The following PARD3 variants were observed in gnomAD, a reference collection of about 807,000 sequenced individuals.
The protein encoded by PARD3 is par-3 family cell polarity regulator.
Under a neutral mutation model 155.4 loss-of-function variants are expected in PARD3, and 75 were observed. The ratio of observed to expected loss-of-function variants is 0.48; its 90% CI spans 0.40 to 0.58. The LOEUF (loss-of-function observed/expected upper bound fraction) is 0.58. PARD3 is among the 20% of genes least tolerant of loss of function. The pLI is 0.00. For missense variants in PARD3, 1,642 were observed against 1,721.7 expected (o/e 0.95, Z 0.82); for synonymous variants, 576 against 610.5 (o/e 0.94, Z 0.83).
intron 1 of PARD3, among the ~76,000 whole-genome samples, chr10:34,801,736 T>C (rs1842857770): frequency 6.6e-6 from 1 of 152,218 alleles, no homozygotes; most frequent in African/African-American, 2.4e-5. Flanking sequence ...CTGATTTAGC[T>C]GCCCGAAATC....
intron 1 of PARD3, among the ~76,000 whole-genome samples, chr10:34,771,149 G>A (rs1030653084): frequency 6.6e-6 from 1 of 152,210 alleles, no homozygotes; most frequent in Non-Finnish European, 1.5e-5. Context: ...TGCACAAAAA[G>A]TAAATTCATA....
At chr10:34,477,810 G>C (rs1328083547) in intron 3 of PARD3, among the ~76,000 whole-genome samples, 1 of 152,172 alleles carries the variant, frequency 6.6e-6, no homozygotes, top group Non-Finnish European at 1.5e-5. Context: ...AGTTACATGT[G>C]TGCTTTTAGA....
At chr10:34,122,140 T>C (rs1391523616) in intron 23 of PARD3, among the ~76,000 whole-genome samples, 1 of 152,234 alleles carries the variant, frequency 6.6e-6, no homozygotes, top group Non-Finnish European at 1.5e-5. Context: ...TTTCACTCAG[T>C]GTAAACTATA....
chr10:34,346,331 G>T lies in PARD3; in HGVS notation c.2218+1634C>A. 5.5e-6 allele frequency: 7 copies of T among 1,269,874 alleles called. No individual in the cohort carries two copies. The Admixed American group carries it at 8.0e-5, about 15-fold the overall frequency. 78.7% of individuals were successfully genotyped at this position (1,269,874 alleles called of 1,614,324 possible). A position where few individuals can be genotyped will look rare whatever the true frequency, so the allele number is the denominator to read the frequency against. Reference sequence around the variant, plus strand: ...CTAGCTGAATTTAGGGATTTTTTTGGTTTGAGTTTTAGTTTTAGTTTTTCG... The same window carrying T: ...CTAGCTGAATTTAGGGATTTTTTTGTTTTGAGTTTTAGTTTTAGTTTTTCG... On this transcript the variant is annotated intron_variant, in intron 15 of 24. Coordinates refer to ENST00000374788, the MANE Select transcript of PARD3 (RefSeq NM_001184785.2).
intron 22 of PARD3, among the ~76,000 whole-genome samples, chr10:34,213,154 T>G (rs1302017037): frequency 1.3e-5 from 2 of 152,166 alleles, no homozygotes; most frequent in Non-Finnish European, 2.9e-5. Context: ...GGTTCAAGAT[T>G]GGGCAGCTGC....
chr10:34,466,119 G>A (rs2077991563), intron 4 of PARD3, among the ~76,000 whole-genome samples: 1 of 152,116 alleles, frequency 6.6e-6, no homozygotes, highest in Non-Finnish European at 1.5e-5. Flanking sequence ...AAGGTAGTCA[G>A]CCACAAAATA....
intron 22 of PARD3, among the ~76,000 whole-genome samples, chr10:34,195,112 C>T (rs1250068614): frequency 6.6e-6 from 1 of 152,210 alleles, no homozygotes; most frequent in Non-Finnish European, 1.5e-5. Flanking sequence ...TTAAGGAAAA[C>T]TGCAATCAAT....
At chr10:34,606,156 ATG>A (rs59792013) in intron 2 of PARD3, among the ~76,000 whole-genome samples, 14,622 of 124,806 alleles carry the variant, frequency 0.12, 993 homozygotes, top group Non-Finnish European at 0.16. Context: ...ATAAAGGGAA[ATG>A]TGTGTGTGTG....
intron 1 of PARD3, among the ~76,000 whole-genome samples, chr10:34,745,353 C>T (rs923802328): frequency 5.4e-5 from 8 of 147,306 alleles, no homozygotes; most frequent in Non-Finnish European, 1.0e-4. Context: ...CAGAGAAAGA[C>T]CCTATATCTA....
At position 34,450,415 on chromosome 10, in the gene PARD3, T is replaced by C. The variant is rs2076993559; in HGVS notation, c.616A>G (p.Thr206Ala). Reference sequence around the variant, plus strand: ...TGAAATTGGTTAGACCAGTTACTAGTATCCCGCGGGAGGCTTCTGTAGTTT... The same window carrying C: ...TGAAATTGGTTAGACCAGTTACTAGCATCCCGCGGGAGGCTTCTGTAGTTT... Reference protein sequence around the residue: ...DENYRSLPRDTSNWSNQFQRD... With the variant: ...DENYRSLPRDASNWSNQFQRD... Residue 206 changes from threonine (T) to alanine (A), a missense_variant, in exon 5 of 25, where the codon ACT becomes GCT. By Grantham distance (58) the Thr-to-Ala change is moderately conservative. Transcript: ENST00000374788. 2 of 1,613,696 alleles carry C rather than the reference T, an allele frequency of 1.2e-6. No homozygotes were observed. The highest frequency in any genetic ancestry group is 1.7e-5 in the Admixed American group (1 of 59,966).
At chr10:34,226,056 C>T (rs1429370348) in intron 22 of PARD3, among the ~76,000 whole-genome samples, 1 of 151,928 alleles carries the variant, frequency 6.6e-6, no homozygotes, top group Admixed American at 6.6e-5. Context: ...AAGACTAGTA[C>T]CCAGATCTAT....
chr10:34,468,771 T>A (rs1287596688), intron 4 of PARD3, among the ~76,000 whole-genome samples: 2 of 152,172 alleles, frequency 1.3e-5, no homozygotes, highest in Non-Finnish European at 2.9e-5. Flanking sequence ...ACTTTTTTTG[T>A]CACTAGAATT....
At chr10:34,142,222 T>C (rs1175885874) in intron 22 of PARD3, among the ~76,000 whole-genome samples, 1 of 152,012 alleles carries the variant, frequency 6.6e-6, no homozygotes, top group Non-Finnish European at 1.5e-5. Context: ...TTTCGGGGTA[T>C]ACCTATGAAT....
chr10:34,784,763 TC>T lies in PARD3; in HGVS notation c.120+30112del, dbSNP rs1388738687. Among the ~76,000 whole-genome samples, 3 of 152,164 alleles carry T rather than the reference TC, an allele frequency of 2.0e-5. No homozygotes were observed. The East Asian group carries it at 5.8e-4, about 29-fold the overall frequency. On this transcript the variant is annotated intron_variant, in intron 1 of 24. Transcript: ENST00000374788. ...CAATATACTTTTTTAAGGATTTTCTTCCCCTTTTTTCCCCGTCTCTTCATCC... is the reference window on the plus strand; with the variant it reads ...CAATATACTTTTTTAAGGATTTTCTTCCCTTTTTTCCCCGTCTCTTCATCC...
chr10:34,249,267 C>T lies in PARD3; in HGVS notation c.3419+20390G>A, dbSNP rs371608479. On this transcript the variant is annotated intron_variant, in intron 22 of 24. Transcript: ENST00000374788. ...CTTCAAGCAATCCTCCCACCTCAGC[C>T]TCCCAAAGTGCTGGGATTACAGGCA... is the stretch of plus-strand genomic sequence containing the variant. Among the ~76,000 whole-genome samples, 28 of 152,304 alleles carry T rather than the reference C, an allele frequency of 1.8e-4. No homozygotes were observed. The South Asian group carries it at 5.8e-3, about 32-fold the overall frequency.
chr10:34,727,559 T>A (rs576661004), intron 1 of PARD3, among the ~76,000 whole-genome samples: 24 of 59,844 alleles, frequency 4.0e-4, no homozygotes, highest in Admixed American at 7.1e-4. Flanking sequence ...CAATGAGAGA[T>A]TGCTATGTTT....
chr10:34,383,390 T>TACACACACAC (rs3040371), intron 8 of PARD3, among the ~76,000 whole-genome samples: 24,551 of 150,140 alleles, frequency 0.16, 2,254 homozygotes, highest in African/African-American at 0.26. Context: ...ATTTTTAAAA[T>TACACACACAC]ACACACACAC....
At position 34,125,071 on chromosome 10, in the gene PARD3, C is replaced by CTTTTTTCTTT. The variant is rs1554790400; in HGVS notation, c.3541-5332_3541-5331insAAAGAAAAAA. On this transcript the variant is annotated intron_variant, in intron 23 of 24. Coordinates refer to ENST00000374788, the MANE Select transcript of PARD3 (RefSeq NM_001184785.2). ...GGCTTATCTCCAGGTCTATTTCTTTCTTTTTTTTTTTTTGAGACGGAGTCT... is the reference window on the plus strand; with the variant it reads ...GGCTTATCTCCAGGTCTATTTCTTTCTTTTTTCTTTTTTTTTTTTTTTTGAGACGGAGTCT... Among the ~76,000 whole-genome samples, 740 of 140,640 alleles carry CTTTTTTCTTT rather than the reference C, an allele frequency of 5.3e-3. 13 individuals carry two copies. The highest frequency in any genetic ancestry group is 0.02 in the African/African-American group (703 of 35,910). 92.3% of individuals were successfully genotyped at this position (140,640 alleles called of 152,430 possible). A position where few individuals can be genotyped will look rare whatever the true frequency, so the allele number is the denominator to read the frequency against.
chr10:34,725,144 T>TGTGTGC (rs2094682135), intron 1 of PARD3, among the ~76,000 whole-genome samples: 1 of 119,010 alleles, frequency 8.4e-6, no homozygotes, highest in Non-Finnish European at 1.9e-5. Context: ...TGTGTGTGTG[T>TGTGTGC]GTGTGTGACA....
Sources: allele counts gnomAD v4.1 joint callset (sites outside exome capture counted in the v4.1 genomes callset), GRCh38; gene constraint gnomAD v4.1.1; transcripts MANE v1.5; gene names NCBI Gene and HGNC (gene_info 2026-07-23, HGNC 2026-07-21).